The following HELQ variants were observed in gnomAD, a reference collection of about 807,000 sequenced individuals.
HELQ encodes helicase, POLQ like, also known as helicase POLQ-like.
A neutral mutation model predicts 111.6 loss-of-function variants in HELQ; 77 were observed. That is an observed-to-expected ratio of 0.69 (90% CI 0.57 to 0.83). HELQ has a LOEUF of 0.83. Ranked by LOEUF, HELQ falls within the 40% of genes least tolerant of loss-of-function variation. The pLI, the probability that HELQ is intolerant of heterozygous loss-of-function variation, is 0.00. For synonymous variants in HELQ, 438 were observed against 454.7 expected (o/e 0.96, Z 0.47); for missense variants, 1,200 against 1,288.5 (o/e 0.93, Z 1.05).
Position 83,437,040 on chromosome 4 carries a change from ATTC to A in HELQ, c.1863_1865del (p.Lys621del). 1 of 1,613,918 alleles carries A rather than the reference ATTC, an allele frequency of 6.2e-7. No individual in the cohort carries two copies. Among genetic ancestry groups the A allele is most frequent in the Non-Finnish European group, 8.5e-7 (1 of 1,179,866 alleles). On this transcript the variant is annotated inframe_deletion, in exon 9 of 18. Coordinates refer to ENST00000295488, the MANE Select transcript of HELQ (RefSeq NM_133636.5). ...CAGGACACAGGTTGCCATTGCCAAT[ATTC>A]TTCAAGTTCTTAATCACCTCACATT...
chr4:83,415,260 ATTAT>A (rs1287735349), intron 17 of HELQ, among the ~76,000 whole-genome samples: 1 of 152,176 alleles, frequency 6.6e-6, no homozygotes, highest in Non-Finnish European at 1.5e-5. Context: ...CTAAAACTTG[ATTAT>A]TTAATACAGA....
chr4:83,439,145 G>A (rs1221828819), intron 8 of HELQ, among the ~76,000 whole-genome samples: 3 of 151,704 alleles, frequency 2.0e-5, no homozygotes, highest in African/African-American at 7.3e-5. Flanking sequence ...TCAGCTCACT[G>A]CAACCTCTGC....
intron 1 of HELQ, among the ~76,000 whole-genome samples, chr4:83,454,305 A>G (rs937506641): frequency 6.6e-6 from 1 of 152,218 alleles, no homozygotes; most frequent in Non-Finnish European, 1.5e-5. Context: ...TCACAGACCT[A>G]TATGTAAATA....
Position 83,455,799 on chromosome 4 carries a change from G to A in HELQ, c.-106C>T. The A allele has an allele frequency of 7.9e-6, 9 of 1,146,432 alleles. No individual in the cohort carries two copies. Among genetic ancestry groups the A allele is most frequent in the Non-Finnish European group, 1.0e-5 (8 of 801,128 alleles). 71.0% of individuals were successfully genotyped at this position (1,146,432 alleles called of 1,614,324 possible). A position where few individuals can be genotyped will look rare whatever the true frequency, so the allele number is the denominator to read the frequency against. ...CGGAGCCCGCTTCTACATCCACCTT[G>A]GGAAAAGACCCCAAGTTAGCTCTCA... On this transcript the variant is annotated 5_prime_UTR_variant, in exon 1 of 18. Coordinates refer to ENST00000295488, the MANE Select transcript of HELQ (RefSeq NM_133636.5).
rs991610918 is a variant in HELQ, at chr4:83,455,249, A to G, written c.297+148T>C. Reference sequence around the variant, plus strand: ...CATTTCATATTTATATAGAAATGTAAATAACAAGGCAATCAATACCTCCTA... The same window carrying G: ...CATTTCATATTTATATAGAAATGTAGATAACAAGGCAATCAATACCTCCTA... On this transcript the variant is annotated intron_variant, in intron 1 of 17. Transcript: ENST00000295488. 6.1e-6 allele frequency: 9 copies of G among 1,466,940 alleles called. No individual in the cohort carries two copies. In the African/African-American group the frequency reaches 1.1e-4, roughly 19 times the overall value. 90.9% of individuals were successfully genotyped at this position (1,466,940 alleles called of 1,614,324 possible). A position where few individuals can be genotyped will look rare whatever the true frequency, so the allele number is the denominator to read the frequency against.
chr4:83,448,906 T>C lies in HELQ; in HGVS notation c.1068A>G (p.Ile356Met), dbSNP rs772124529. 1.9e-6 allele frequency: 3 copies of C among 1,612,278 alleles called. No homozygotes were observed. The highest frequency in any genetic ancestry group is 2.2e-5 in the East Asian group (1 of 44,870). ...TTCCACCACTTGTTGGCAAGGAATA[T>C]ATTAAATTTTTTCTTTCTTGCACAG... ...LNSVQERKNL[I>M]YSLPTSGGKT... is the part of the protein sequence containing the mutation. Residue 356 changes from isoleucine to methionine, a missense_variant, in exon 3 of 18, where the codon ATA (isoleucine) becomes ATG (methionine). Coordinates refer to ENST00000295488, the MANE Select transcript of HELQ (RefSeq NM_133636.5).
At chr4:83,438,334 C>G (rs952777358) in intron 8 of HELQ, among the ~76,000 whole-genome samples, 31 of 152,178 alleles carry the variant, frequency 2.0e-4, no homozygotes, top group Non-Finnish European at 4.6e-4. Flanking sequence ...ATACTTATCT[C>G]TATGAATACG....
chr4:83,455,211 G>A lies in HELQ; in HGVS notation c.297+186C>T. On this transcript the variant is annotated intron_variant, in intron 1 of 17. Coordinates refer to ENST00000295488, the MANE Select transcript of HELQ (RefSeq NM_133636.5). ...TAACTGCTGCGTGCACAACTTTTATGTCTCGGGGTTTACATTTCATATTTA... is the reference window on the plus strand; with the variant it reads ...TAACTGCTGCGTGCACAACTTTTATATCTCGGGGTTTACATTTCATATTTA... The A allele has an allele frequency of 3.1e-6, 4 of 1,274,658 alleles. No homozygotes were observed. The Admixed American group carries it at 1.2e-4, about 37-fold the overall frequency. The allele number at this position is 1,274,658 out of a possible 1,614,324, so 79.0% of individuals were successfully genotyped here. A position where few individuals can be genotyped will look rare whatever the true frequency, so the allele number is the denominator to read the frequency against.
intron 11 of HELQ, among the ~76,000 whole-genome samples, chr4:83,431,254 A>G (rs2063224126): frequency 6.7e-6 from 1 of 149,978 alleles, no homozygotes; most frequent in Admixed American, 6.7e-5. Context: ...CATCTCTAAG[A>G]AAAAAAAAAG....
At chr4:83,428,211 A>C (rs1458112865) in intron 12 of HELQ, among the ~76,000 whole-genome samples, 1 of 152,186 alleles carries the variant, frequency 6.6e-6, no homozygotes. Context: ...ATAAATACAC[A>C]CATAAAAATA....
chr4:83,438,515 C>T lies in HELQ; in HGVS notation c.1808+1348G>A, dbSNP rs200627478. On this transcript the variant is annotated intron_variant, in intron 8 of 17. Coordinates refer to ENST00000295488, the MANE Select transcript of HELQ (RefSeq NM_133636.5). ...CAGCACTTTGGGAGGCTATGGGGGG[C>T]GGATTGCTTGAGCTCAGGAGTTCGA... is the stretch of plus-strand genomic sequence containing the variant. Among the ~76,000 whole-genome samples the T allele has an allele frequency of 2.6e-5, 4 of 151,854 alleles. No homozygotes were observed. The East Asian group carries it at 5.8e-4, about 22-fold the overall frequency.
At chr4:83,434,226 C>A (rs1454096449) in intron 9 of HELQ, among the ~76,000 whole-genome samples, 3 of 147,588 alleles carry the variant, frequency 2.0e-5, no homozygotes, top group Non-Finnish European at 4.5e-5. Flanking sequence ...TAAAAATTAG[C>A]CAGGTGTGGT....
chr4:83,445,243 T>C (rs1046352300), intron 5 of HELQ, among the ~76,000 whole-genome samples: 4 of 152,172 alleles, frequency 2.6e-5, no homozygotes, highest in Non-Finnish European at 4.4e-5. Context: ...TGCCCTAAAA[T>C]ACAGGCTTGA....
At chr4:83,442,260 ATTTTTTTTTTT>A (rs70949710) in intron 6 of HELQ, among the ~76,000 whole-genome samples, 2 of 82,080 alleles carry the variant, frequency 2.4e-5, no homozygotes, top group South Asian at 9.4e-4. Flanking sequence ...AAAAACATCA[ATTTTTTTTTTT>A]TTTTTTTTTT....
intron 6 of HELQ, among the ~76,000 whole-genome samples, chr4:83,442,663 G>A (rs1398204909): frequency 6.6e-6 from 1 of 151,636 alleles, no homozygotes; most frequent in Non-Finnish European, 1.5e-5. Flanking sequence ...TGCCCACCTC[G>A]GCCTCCCAAA....
At chr4:83,422,195 G>T (rs545598441) in intron 14 of HELQ, among the ~76,000 whole-genome samples, 2 of 151,906 alleles carry the variant, frequency 1.3e-5, no homozygotes, top group East Asian at 3.9e-4. Context: ...ACTCAGCCTG[G>T]GAGACAGAGT....
intron 14 of HELQ, among the ~76,000 whole-genome samples, chr4:83,424,655 T>G (rs1439305930): frequency 6.6e-6 from 1 of 152,106 alleles, no homozygotes; most frequent in Non-Finnish European, 1.5e-5. Context: ...GCCTCCCAGA[T>G]CACGTGAGTC....
rs755923668 is a variant in HELQ at position 83,436,862 on chromosome 4, G to A, written c.2044C>T (p.Arg682Ter). 27 of 1,612,404 alleles carry A rather than the reference G, an allele frequency of 1.7e-5. No homozygotes were observed. The highest frequency in any genetic ancestry group is 1.6e-4 in the Middle Eastern group (1 of 6,068). The change falls in exon 9 of 18, where the codon CGA (arginine) becomes TGA (stop). Residue 682 changes from arginine (R) to a stop codon, truncating the protein, a stop_gained. Coordinates refer to ENST00000295488, the MANE Select transcript of HELQ (RefSeq NM_133636.5). LOFTEE classifies it high-confidence loss of function. ...TLAAGVNLPA[R>*]RVILRAPYVA... Reference sequence around the variant, plus strand: ...CAACACTTACTTATCTCTTACCTTCGAGCTGGTAGGTTGACACCTGCCGCT... The same window carrying A: ...CAACACTTACTTATCTCTTACCTTCAAGCTGGTAGGTTGACACCTGCCGCT...
chr4:83,421,794 T>C, intron 14 of HELQ, 58 bp from the exon 15 acceptor site: 1 of 1,372,084 alleles, frequency 7.3e-7, no homozygotes, highest in Non-Finnish European at 1.0e-6. Context: ...TGTATGTTAT[T>C]AAAATTGGAC....
Sources: gnomAD v4.1 joint callset for allele counts (sites outside exome capture counted in the v4.1 genomes callset) on GRCh38, gnomAD v4.1.1 for gene constraint, MANE v1.5 for transcripts, NCBI Gene and HGNC (gene_info 2026-07-23, HGNC 2026-07-21) for gene names.